RFX1: variants seen among roughly 807,000 people sequenced by gnomAD.
RFX1 encodes regulatory factor X1.
In RFX1, 42 loss-of-function variants were observed where a neutral mutation model predicts 119.6. That is an observed-to-expected ratio of 0.35 (90% CI 0.27 to 0.45). The LOEUF (loss-of-function observed/expected upper bound fraction) is 0.45, where lower values mean the gene tolerates loss of function less well. RFX1 is among the 20% of genes least tolerant of loss of function. RFX1 has a pLI of 1.00. For missense variants in RFX1, 1,118 were observed against 1,368.1 expected, an observed-to-expected ratio of 0.82 and a Z score of 2.88; for synonymous variants, 628 against 618.5, an observed-to-expected ratio of 1.02 and a Z score of -0.23.
chr19:13,997,410 C>T (rs1975072740), intron 1 of RFX1, among the ~76,000 whole-genome samples: 2 of 152,254 alleles, frequency 1.3e-5, no homozygotes, highest in Non-Finnish European at 2.9e-5. Flanking sequence ...ACGGCTGGCC[C>T]TACCAGGCGG....
rs911107700 is a variant in RFX1 at position 13,980,743 on chromosome 19, G to C, written c.622-54C>G. 3.1e-6 allele frequency: 4 copies of C among 1,306,220 alleles called. No homozygotes were observed. Among genetic ancestry groups the C allele is most frequent in the Non-Finnish European group, 4.3e-6 (4 of 930,490 alleles). 80.9% of individuals were successfully genotyped at this position (1,306,220 alleles called of 1,614,324 possible). On this transcript the variant is annotated intron_variant, in intron 5 of 20. Transcript: ENST00000254325. This position sits in a 1 kb window ranked among gnomAD's most constrained non-coding sequence, Gnocchi z 5.1. The stretch of plus-strand genomic sequence containing the variant: ...GCTGGGGTGGGCTTGCATCCTCTCT[G>C]AGGTGGGCTCACACACACACCCTTC...
chr19:13,965,898 C>A lies in RFX1; in HGVS notation c.1962-121G>T. ...GTCACTGGGGTACTCTGTGGTTCTA[C>A]CCCCAGCATCAGAAGGCACAGGTAC... On this transcript the variant is annotated intron_variant, in intron 14 of 20. Transcript: ENST00000254325. This position sits in a 1 kb window ranked among gnomAD's most constrained non-coding sequence, Gnocchi z 4.7. The A allele has an allele frequency of 1.7e-6, 2 of 1,203,360 alleles. No individual in the cohort carries two copies. The highest frequency in any genetic ancestry group is 2.9e-4 in the Middle Eastern group (1 of 3,430). 74.5% of individuals were successfully genotyped at this position (1,203,360 alleles called of 1,614,324 possible).
chr19:13,962,827 C>G lies in RFX1; in HGVS notation c.2808G>C (p.Glu936Asp). The G allele has an allele frequency of 6.5e-7, 1 of 1,527,484 alleles. No individual in the cohort carries two copies. Among genetic ancestry groups the G allele is most frequent in the Non-Finnish European group, 8.8e-7 (1 of 1,140,676 alleles). The allele number at this position is 1,527,484 out of a possible 1,614,324, so 94.6% of individuals were successfully genotyped here. A position where few individuals can be genotyped will look rare whatever the true frequency, so the allele number is the denominator to read the frequency against. ...EEEEEEESED[E>D]LPQDISLAAG... Reference sequence around the variant, plus strand: ...CCGCCAGTGAGATGTCCTGCGGCAGCTCGTCCTCGCTCTCCTCCTCCTCTT... The same window carrying G: ...CCGCCAGTGAGATGTCCTGCGGCAGGTCGTCCTCGCTCTCCTCCTCCTCTT... Residue 936 changes from glutamate to aspartate, a missense_variant, in exon 21 of 21, where the codon GAG (glutamate) becomes GAC (aspartate). Around this residue, in one of 5 missense-constraint regions of RFX1, gnomAD observed 138 missense variants for 117.8 expected, o/e 1.17. Coordinates refer to ENST00000254325, the MANE Select transcript of RFX1 (RefSeq NM_002918.5).
intron 9 of RFX1, 98 bp downstream of exon 9, chr19:13,972,645 T>G: frequency 1.1e-6 from 1 of 875,114 alleles, no homozygotes. Flanking sequence ...CACAGGCTCC[T>G]GCTAGCGGTG....
rs188672646 is a variant in RFX1 at position 13,985,895 on chromosome 19, G to A, written c.320-2300C>T. The stretch of plus-strand genomic sequence containing the variant: ...TTGGGGGCGGGGGTTGCCAGATGTG[G>A]GAGGTGTTGGGGGAGGCCTCCGCGT... On this transcript the variant is annotated intron_variant, in intron 2 of 20. Coordinates refer to ENST00000254325, the MANE Select transcript of RFX1 (RefSeq NM_002918.5). The surrounding 1 kb of genome is among the most constrained non-coding windows in gnomAD (Gnocchi z 4.3). Among the ~76,000 whole-genome samples the A allele has an allele frequency of 9.9e-3, 1,509 of 152,242 alleles. 11 individuals are homozygous for A. The highest frequency in any genetic ancestry group is 0.031 in the Middle Eastern group (9 of 294).
intron 1 of RFX1, among the ~76,000 whole-genome samples, chr19:13,999,771 G>A (rs1240725872): frequency 6.6e-6 from 1 of 152,040 alleles, no homozygotes; most frequent in East Asian, 1.9e-4. Context: ...TGCCTCCCGG[G>A]TTCAAGTGAT....
chr19:13,973,187 C>A, intron 8 of RFX1, 60 bp from the exon 9 acceptor site: 1 of 1,268,802 alleles, frequency 7.9e-7, no homozygotes, highest in South Asian at 1.3e-5. Context: ...GGCCGAGGGG[C>A]ATGACTGTGC....
At chr19:13,993,270 G>A (rs1370715398) in intron 2 of RFX1, among the ~76,000 whole-genome samples, 1 of 152,108 alleles carries the variant, frequency 6.6e-6, no homozygotes, top group Admixed American at 6.6e-5. Flanking sequence ...ACTCCAGCCT[G>A]GGCAACAGAA....
In RFX1 at chr19:13,968,986, T is replaced by G; in HGVS notation, c.1497-92A>C. 1 of 1,378,672 alleles carries G rather than the reference T, an allele frequency of 7.3e-7. No individual in the cohort carries two copies. The highest frequency in any genetic ancestry group is 9.8e-7 in the Non-Finnish European group (1 of 1,018,232). The allele number at this position is 1,378,672 out of a possible 1,614,324, so 85.4% of individuals were successfully genotyped here. ...CACAGCACACCCGTCTCCTCTCTGT[T>G]AGGAGAATGGATAGAGAGACGCCTG... is the stretch of plus-strand genomic sequence containing the variant. On this transcript the variant is annotated intron_variant, in intron 10 of 20. Transcript: ENST00000254325. The surrounding 1 kb of genome is among the most constrained non-coding windows in gnomAD (Gnocchi z 5.5).
At position 13,966,521 on chromosome 19, in the gene RFX1, C is replaced by T; in HGVS notation, c.1861G>A (p.Asp621Asn). The T allele has an allele frequency of 6.4e-7, 1 of 1,568,974 alleles. No homozygotes were observed. Among genetic ancestry groups the T allele is most frequent in the Non-Finnish European group, 8.7e-7 (1 of 1,152,456 alleles). Residue 621 changes from aspartate to asparagine, a missense_variant, in exon 14 of 21, where the codon GAC becomes AAC. Around this residue, in one of 5 missense-constraint regions of RFX1, gnomAD observed 338 missense variants for 508.9 expected, o/e 0.66. Transcript: ENST00000254325. This position sits in a 1 kb window ranked among gnomAD's most constrained non-coding sequence, Gnocchi z 6.3. ...GTGAACTGCAGGTTCACCATGACGT[C>T]GACAATGGCCTGTGGCAGAGGCGGA... ...LYREHCEAIV[D>N]VMVNLQFTLV... is the part of the protein sequence containing the mutation.
In RFX1 at chr19:13,962,441, T is replaced by G; in HGVS notation, c.*254A>C. Reference sequence around the variant, plus strand: ...GGGGCGGCCAAGGGGCCGAGCTGGATGCCCCGCGGGGCACCTGGGCACGCG... The same window carrying G: ...GGGGCGGCCAAGGGGCCGAGCTGGAGGCCCCGCGGGGCACCTGGGCACGCG... On this transcript the variant is annotated 3_prime_UTR_variant, in exon 21 of 21. Coordinates refer to ENST00000254325, the MANE Select transcript of RFX1 (RefSeq NM_002918.5). 1 of 494,340 alleles carries G rather than the reference T, an allele frequency of 2.0e-6. No homozygotes were observed. Among genetic ancestry groups the G allele is most frequent in the Non-Finnish European group, 3.6e-6 (1 of 280,078 alleles). 30.6% of individuals were successfully genotyped at this position (494,340 alleles called of 1,614,324 possible).
intron 3 of RFX1, 75 bp from the exon 4 acceptor site, chr19:13,983,345 C>G (rs1974490587): frequency 7.6e-7 from 1 of 1,322,716 alleles, no homozygotes; most frequent in Non-Finnish European, 1.0e-6. Flanking sequence ...TGGCGGGCGG[C>G]TGCTGTGCAC....
At chr19:13,974,549 G>A (rs1974195989) in intron 8 of RFX1, among the ~76,000 whole-genome samples, 1 of 152,172 alleles carries the variant, frequency 6.6e-6, no homozygotes, top group South Asian at 2.1e-4. Flanking sequence ...CTAACACCGG[G>A]CAGATAAGAG....
intron 8 of RFX1, among the ~76,000 whole-genome samples, chr19:13,975,668 T>C (rs769577454): frequency 1.3e-5 from 2 of 152,248 alleles, no homozygotes; most frequent in Non-Finnish European, 2.9e-5. Flanking sequence ...TGCTCACTCC[T>C]GCACACCCAG....
chr19:13,963,296 G>A (rs755927474), intron 18 of RFX1, 21 bp from the exon 19 acceptor site: 9 of 1,599,342 alleles, frequency 5.6e-6, no homozygotes, highest in South Asian at 2.2e-5. Context: ...AGACGGAGAG[G>A]AGACCGTCAG....
intron 1 of RFX1, among the ~76,000 whole-genome samples, chr19:13,999,359 G>A (rs1445277673): frequency 6.6e-6 from 1 of 152,158 alleles, no homozygotes; most frequent in East Asian, 1.9e-4. Context: ...TACTTTAAAT[G>A]AGGGCTCGGC....
intron 1 of RFX1, among the ~76,000 whole-genome samples, chr19:14,003,543 TAAC>T (rs1975284508): frequency 6.6e-6 from 1 of 152,228 alleles, no homozygotes. Flanking sequence ...ACAATCACCG[TAAC>T]AGCAGAGGCT....
At chr19:14,002,356 G>T (rs1282257491) in intron 1 of RFX1, among the ~76,000 whole-genome samples, 1 of 150,624 alleles carries the variant, frequency 6.6e-6, no homozygotes, top group Admixed American at 6.6e-5. Flanking sequence ...ATGGTGGCAG[G>T]CATCTGTAAT....
chr19:13,964,584 C>T (rs751820311), intron 16 of RFX1, among the ~76,000 whole-genome samples: 2 of 152,132 alleles, frequency 1.3e-5, no homozygotes, highest in Non-Finnish European at 2.9e-5. Flanking sequence ...TGGGTTCAAG[C>T]GATTCTCGTG....
Sources: gnomAD v4.1 joint callset for allele counts (sites outside exome capture counted in the v4.1 genomes callset) on GRCh38, gnomAD v4.1.1 for gene constraint, gnomAD v4.1.1 regional missense constraint, Gnocchi (gnomAD v3.1) non-coding constraint, MANE v1.5 for transcripts, NCBI Gene and HGNC (gene_info 2026-07-23, HGNC 2026-07-21) for gene names.